Variants in KLHL14 observed in about 807,000 individuals in gnomAD.
The protein encoded by KLHL14 is kelch like family member 14.
KLHL14 carries 22 observed loss-of-function variants against 64.3 expected under a neutral mutation model. That is an observed-to-expected ratio of 0.34 (90% confidence interval 0.24 to 0.49). The LOEUF is 0.49. KLHL14 is among the 20% of genes least tolerant of loss of function. The pLI, the probability that KLHL14 is intolerant of heterozygous loss-of-function variation, is 0.99. For synonymous variants in KLHL14, 322 were observed against 333.4 expected, an observed-to-expected ratio of 0.97 and a Z score of 0.37; for missense variants, 661 against 789.0, an observed-to-expected ratio of 0.84 and a Z score of 1.94.
chr18:32,754,910 A>G (rs1052305384), intron 2 of KLHL14, among the ~76,000 whole-genome samples: 8 of 152,160 alleles, frequency 5.3e-5, no homozygotes, highest in Non-Finnish European at 1.0e-4. Context: ...CTATGAAATC[A>G]TCCTGGGGCA....
chr18:32,748,427 T>C (rs2050234916), intron 2 of KLHL14, among the ~76,000 whole-genome samples: 1 of 152,110 alleles, frequency 6.6e-6, no homozygotes, highest in Admixed American at 6.5e-5. Context: ...TGGAGCGCAG[T>C]GGCGCCATCT....
chr18:32,751,954 C>A (rs976113243), intron 2 of KLHL14, among the ~76,000 whole-genome samples: 1 of 152,098 alleles, frequency 6.6e-6, no homozygotes, highest in African/African-American at 2.4e-5. Flanking sequence ...TGGTGAAACC[C>A]CATCTCTACT....
chr18:32,715,140 T>TA (rs1297153380), intron 3 of KLHL14, among the ~76,000 whole-genome samples: 1 of 152,118 alleles, frequency 6.6e-6, no homozygotes, highest in Non-Finnish European at 1.5e-5. Flanking sequence ...GATAGATTTT[T>TA]AAAAATAGGT....
In KLHL14 at chr18:32,742,089, C is replaced by T. The variant is rs368697764; in HGVS notation, c.948-40G>A. The T allele has an allele frequency of 9.3e-5, 148 of 1,590,160 alleles. No homozygotes were observed. The African/African-American group carries it at 1.7e-3, about 19-fold the overall frequency. ...AAAGAGGAGATGAATAACCACATTA[C>T]TGTAGAGTCTTTTTAGTGGCAACGA... On this transcript the variant is annotated intron_variant, in intron 2 of 8. Transcript: ENST00000359358.
intron 3 of KLHL14, among the ~76,000 whole-genome samples, chr18:32,722,602 T>C (rs951109695): frequency 2.6e-5 from 4 of 152,070 alleles, no homozygotes; most frequent in Non-Finnish European, 5.9e-5. Flanking sequence ...AACACAACAC[T>C]GTACCATGAA....
chr18:32,745,902 T>C (rs1314477387), intron 2 of KLHL14, among the ~76,000 whole-genome samples: 1 of 152,200 alleles, frequency 6.6e-6, no homozygotes, highest in African/African-American at 2.4e-5. Flanking sequence ...TAAGAGAAGC[T>C]GAACTAACTG....
intron 2 of KLHL14, among the ~76,000 whole-genome samples, chr18:32,750,687 T>C (rs966168778): frequency 3.9e-5 from 6 of 152,176 alleles, no homozygotes; most frequent in Non-Finnish European, 8.8e-5. Flanking sequence ...TCCTTGACTC[T>C]TCCATTTTCT....
chr18:32,771,998 G>C (rs2050389871), intron 1 of KLHL14: 2 of 212,192 alleles, frequency 9.4e-6, no homozygotes, highest in South Asian at 7.2e-5. Flanking sequence ...GGCAGGGTGG[G>C]GGAGGCGAGG....
Position 32,680,009 on chromosome 18 carries a change from G to A in KLHL14, c.1588+160C>T, listed in dbSNP as rs1381517981. On this transcript the variant is annotated intron_variant, in intron 7 of 8. Coordinates refer to ENST00000359358, the MANE Select transcript of KLHL14 (RefSeq NM_020805.3). The surrounding 1 kb of genome is among the most constrained non-coding windows in gnomAD (Gnocchi z 4.8). The stretch of plus-strand genomic sequence containing the variant: ...TATCTGCAGCAAAGCCAAAATAAAT[G>A]CTTGCTCAAGGGTACTGCCAATTTA... Among the ~76,000 whole-genome samples, 5 of 152,082 alleles carry A rather than the reference G, an allele frequency of 3.3e-5. No individual in the cohort carries two copies. The highest frequency in any genetic ancestry group is 1.2e-4 in the African/African-American group (5 of 41,414).
At chr18:32,699,644 A>G (rs1050377157) in intron 3 of KLHL14, among the ~76,000 whole-genome samples, 1 of 152,146 alleles carries the variant, frequency 6.6e-6, no homozygotes, top group Non-Finnish European at 1.5e-5. Flanking sequence ...TTCAATAGGT[A>G]TGTTCATCCA....
At position 32,772,107 on chromosome 18, in the gene KLHL14, GGCCCGCCGGCCC is replaced by G. The variant is rs1212994413; in HGVS notation, c.-44+548_-44+559del. 2.5e-5 allele frequency: 6 copies of G among 236,796 alleles called. 1 individual carries two copies. Among genetic ancestry groups the G allele is most frequent in the South Asian group, 5.4e-5 (1 of 18,370 alleles). 14.7% of individuals were successfully genotyped at this position (236,796 alleles called of 1,614,324 possible). A position where few individuals can be genotyped will look rare whatever the true frequency, so the allele number is the denominator to read the frequency against. On this transcript the variant is annotated intron_variant, in intron 1 of 8. Transcript: ENST00000359358. ...CATCCCGCCCGCGCGCCGGCCCGCC[GGCCCGCCGGCCC>G]GCCCGCCCGGGGGAGAGCCGCCGCC...
chr18:32,746,650 G>T (rs970033075), intron 2 of KLHL14, among the ~76,000 whole-genome samples: 1 of 152,204 alleles, frequency 6.6e-6, no homozygotes, highest in African/African-American at 2.4e-5. Context: ...TTAGAAATCA[G>T]CTGATATGCT....
At chr18:32,714,933 T>TCAA (rs1022222895) in intron 3 of KLHL14, among the ~76,000 whole-genome samples, 1 of 151,740 alleles carries the variant, frequency 6.6e-6, no homozygotes, top group Non-Finnish European at 1.5e-5. Flanking sequence ...TTGGAGAATG[T>TCAA]CAATATTATT....
chr18:32,686,436 G>A (rs1473660006), intron 5 of KLHL14, among the ~76,000 whole-genome samples: 2 of 152,084 alleles, frequency 1.3e-5, no homozygotes, highest in East Asian at 3.9e-4. Flanking sequence ...AAGACATGGT[G>A]TCATGCCTGA....
At chr18:32,698,418 AATTTTACAGCAACTGTG>A (rs2049946963) in intron 3 of KLHL14, among the ~76,000 whole-genome samples, 1 of 152,150 alleles carries the variant, frequency 6.6e-6, no homozygotes, top group Non-Finnish European at 1.5e-5. Context: ...AAGGCTGTCT[AATTTTACAGCAACTGTG>A]ATCCATCAGC....
intron 2 of KLHL14, among the ~76,000 whole-genome samples, chr18:32,752,429 G>T (rs1031600394): frequency 2.6e-5 from 4 of 152,166 alleles, no homozygotes; most frequent in African/African-American, 9.7e-5. Flanking sequence ...AATCTAAGCT[G>T]CTATTTTTAC....
chr18:32,675,826 G>A (rs942989465), intron 8 of KLHL14, among the ~76,000 whole-genome samples: 1 of 152,124 alleles, frequency 6.6e-6, no homozygotes, highest in Non-Finnish European at 1.5e-5. Flanking sequence ...AAGCAAACAA[G>A]TGCACATATG....
At chr18:32,710,281 A>G (rs1249301989) in intron 3 of KLHL14, among the ~76,000 whole-genome samples, 2 of 152,234 alleles carry the variant, frequency 1.3e-5, no homozygotes, top group African/African-American at 4.8e-5. Flanking sequence ...TAATGACTTA[A>G]CAAAAGTTTG....
At chr18:32,733,743 G>T in intron 3 of KLHL14, 1 of 167,120 alleles carries the variant, frequency 6.0e-6, no homozygotes, top group East Asian at 1.6e-4. Flanking sequence ...AGAAGCAGGG[G>T]GCATGGGAAA....
Sources: gnomAD v4.1 joint callset for allele counts (sites outside exome capture counted in the v4.1 genomes callset) on GRCh38, gnomAD v4.1.1 for gene constraint, Gnocchi (gnomAD v3.1) non-coding constraint, MANE v1.5 for transcripts, NCBI Gene and HGNC (gene_info 2026-07-23, HGNC 2026-07-21) for gene names.